The following MYO1A variants were observed in gnomAD, a reference collection of about 807,000 sequenced individuals.
MYO1A encodes the protein myosin IA, also known as unconventional myosin-Ia.
In MYO1A, 127 loss-of-function variants were observed where a neutral mutation model predicts 138.5. That is an observed-to-expected ratio of 0.92 (90% CI 0.79 to 1.06). The LOEUF (loss-of-function observed/expected upper bound fraction) is 1.06. Among genes scored for constraint, MYO1A ranks in the 50% least tolerant of loss-of-function variants. The pLI is 0.00. For missense variants in MYO1A, 1,211 were observed against 1,288.8 expected (o/e 0.94, Z 0.92); for synonymous variants, 477 against 497.5 (o/e 0.96, Z 0.55).
In MYO1A at chr12:57,038,982, C is replaced by T. The variant is rs1026760119; in HGVS notation, c.1360G>A (p.Asp454Asn). 1 of 1,613,990 alleles carries T rather than the reference C, an allele frequency of 6.2e-7. No individual in the cohort carries two copies. Among genetic ancestry groups the T allele is most frequent in the African/African-American group, 1.3e-5 (1 of 74,930 alleles). The change falls in exon 16 of 28, where the codon GAT becomes AAT. Residue 454 changes from aspartate to asparagine, a missense_variant. Physicochemically the swap from Asp to Asn is conservative, Grantham distance 23. Transcript: ENST00000300119. ...HNQRGILAMLDEECLRPGVVS... is the reference protein window; with the variant it reads ...HNQRGILAMLNEECLRPGVVS... ...ACCCCAGGCCGCAGGCACTCCTCATCCAACATGGCCAGGATACCTCGCTGA... is the reference window on the plus strand; with the variant it reads ...ACCCCAGGCCGCAGGCACTCCTCATTCAACATGGCCAGGATACCTCGCTGA...
At chr12:57,028,936 G>C in intron 27 of MYO1A, 55 bp from the exon 28 acceptor site, 4 of 1,600,920 alleles carry the variant, frequency 2.5e-6, no homozygotes, top group Non-Finnish European at 3.4e-6. Context: ...CCCGACTCCC[G>C]CATTTCCATG....
intron 8 of MYO1A, 30 bp downstream of exon 8, chr12:57,046,522 T>C: frequency 6.4e-7 from 1 of 1,573,438 alleles, no homozygotes; most frequent in South Asian, 1.1e-5. Flanking sequence ...GTGTCACTCA[T>C]GAGGACACTT....
At chr12:57,030,106 C>T (rs2030202700) in intron 24 of MYO1A, 104 bp downstream of exon 24, 1 of 1,280,918 alleles carries the variant, frequency 7.8e-7, no homozygotes, top group Admixed American at 1.8e-5. Context: ...AGGAGGGACA[C>T]AGCACCTGGG....
intron 13 of MYO1A, 45 bp from the exon 14 acceptor site, chr12:57,041,333 T>G (rs754647279): frequency 6.3e-6 from 10 of 1,594,702 alleles, no homozygotes; most frequent in Non-Finnish European, 8.6e-6. Context: ...CAAGACTGTT[T>G]CTCCGTCTCA....
intron 22 of MYO1A, among the ~76,000 whole-genome samples, chr12:57,035,547 A>G (rs61504157): frequency 0.099 from 15,058 of 152,246 alleles, 794 homozygotes; most frequent in East Asian, 0.18. Flanking sequence ...GCGGAGGTCA[A>G]TTACCAATTT....
At position 57,038,300 on chromosome 12, in the gene MYO1A, C is replaced by A. The variant is rs2030668957; in HGVS notation, c.1760+112G>T. ...CTGACTGTTTTCTGTGAGGAAAGGA[C>A]CTCTGACATCCTTATTCCAGAAGCA... On this transcript the variant is annotated intron_variant, in intron 17 of 27. Coordinates refer to ENST00000300119, the MANE Select transcript of MYO1A (RefSeq NM_005379.4). 1.5e-5 allele frequency: 19 copies of A among 1,266,008 alleles called. No homozygotes were observed. In the South Asian group the frequency reaches 2.1e-4, roughly 14 times the overall value. The allele number at this position is 1,266,008 out of a possible 1,614,324, so 78.4% of individuals were successfully genotyped here.
At chr12:57,035,270 G>C (rs1379060028) in intron 22 of MYO1A, among the ~76,000 whole-genome samples, 1 of 152,210 alleles carries the variant, frequency 6.6e-6, no homozygotes, top group Non-Finnish European at 1.5e-5. Flanking sequence ...AGCATGTATG[G>C]TGGGAAGGCA....
intron 8 of MYO1A, among the ~76,000 whole-genome samples, chr12:57,046,327 G>A (rs1036691892): frequency 1.4e-4 from 22 of 152,128 alleles, no homozygotes; most frequent in African/African-American, 5.1e-4. Flanking sequence ...GCATATCCCT[G>A]GCAATAAAAC....
intron 17 of MYO1A, 102 bp from the exon 18 acceptor site, chr12:57,038,171 A>T (rs1308245619): frequency 7.0e-7 from 1 of 1,421,884 alleles, no homozygotes; most frequent in Non-Finnish European, 9.9e-7. Context: ...TTCACTGAAA[A>T]GTTTCAAAGA....
Position 57,029,241 on chromosome 12 carries a change from T to C in MYO1A, c.2896A>G (p.Lys966Glu), listed in dbSNP as rs776294118. The change falls in exon 27 of 28, where the codon AAG (lysine) becomes GAG (glutamate). Residue 966 changes from lysine to glutamate, a missense_variant. Coordinates refer to ENST00000300119, the MANE Select transcript of MYO1A (RefSeq NM_005379.4). ...HLSEMSSVGS[K>E]GDFLLVSEHV... ...TCGCTGACCAGCAGGAAGTCCCCCT[T>C]GGAGCCCACCGATGACATCTTAGGA... The C allele has an allele frequency of 5.0e-6, 8 of 1,614,012 alleles. No homozygotes were observed. The South Asian group carries it at 7.7e-5, about 16-fold the overall frequency.
intron 16 of MYO1A, 26 bp downstream of exon 16, chr12:57,038,783 T>G: frequency 6.2e-7 from 1 of 1,613,984 alleles, no homozygotes; most frequent in Non-Finnish European, 8.5e-7. Flanking sequence ...AGCCCTAATC[T>G]CTGCCCTCCA....
At chr12:57,036,618 C>G (rs1433560979) in intron 21 of MYO1A, among the ~76,000 whole-genome samples, 154 bp downstream of exon 21, 2 of 152,146 alleles carry the variant, frequency 1.3e-5, no homozygotes, top group Non-Finnish European at 1.5e-5. Context: ...CCCTACAGGC[C>G]TCTCACTCCC....
In MYO1A at chr12:57,043,860, C is replaced by T; in HGVS notation, c.888G>A (p.Gly296=). The T allele has an allele frequency of 6.2e-7, 1 of 1,614,084 alleles. No individual in the cohort carries two copies. The highest frequency in any genetic ancestry group is 8.5e-7 in the Non-Finnish European group (1 of 1,180,010). ...SGIPASGIRD[G]RGVREIGEMV... ...CCAGCAGGCTGGGATGCAGACCTCT[C>T]CCATCACGGATGCCACTTGCTGGTA... The change falls in exon 10 of 28, where the codon GGG becomes GGA. Residue 296 remains glycine (G), a synonymous_variant. Coordinates refer to ENST00000300119, the MANE Select transcript of MYO1A (RefSeq NM_005379.4).
Position 57,037,635 on chromosome 12 carries a change from A to G in MYO1A, c.1968T>C (p.Gly656=). 1 of 1,613,854 alleles carries G rather than the reference A, an allele frequency of 6.2e-7. No homozygotes were observed. The highest frequency in any genetic ancestry group is 1.1e-5 in the South Asian group (1 of 91,070). ...WPHWNGGDRE[G]VEKVLGELSM... ...TCAGCTCCCCCAGGACCTTCTCAACACCTTCCCTATGGAAGCAAATGACAG... is the reference window on the plus strand; with the variant it reads ...TCAGCTCCCCCAGGACCTTCTCAACGCCTTCCCTATGGAAGCAAATGACAG... Residue 656 remains glycine, a synonymous_variant, in exon 19 of 28, where the codon GGT becomes GGC. Coordinates refer to ENST00000300119, the MANE Select transcript of MYO1A (RefSeq NM_005379.4).
chr12:57,030,427 A>G, intron 23 of MYO1A, 111 bp from the exon 24 acceptor site: 2 of 903,790 alleles, frequency 2.2e-6, no homozygotes, highest in East Asian at 5.0e-5. Context: ...AGACTGAGGA[A>G]AAAGGACAGG....
chr12:57,035,044 C>T (rs2136439963), intron 22 of MYO1A, among the ~76,000 whole-genome samples: 1 of 152,196 alleles, frequency 6.6e-6, no homozygotes, highest in South Asian at 2.1e-4. Context: ...AAGGCAGTGG[C>T]AAACTGGAAT....
At chr12:57,043,697 C>T (rs1057024594) in intron 10 of MYO1A, among the ~76,000 whole-genome samples, 159 bp downstream of exon 10, 3 of 152,252 alleles carry the variant, frequency 2.0e-5, no homozygotes, top group East Asian at 1.9e-4. Flanking sequence ...TATGCTTCAT[C>T]GGGAGTTCTC....
chr12:57,048,381 G>T, intron 1 of MYO1A, 38 bp from the exon 2 acceptor site: 2 of 1,216,930 alleles, frequency 1.6e-6, no homozygotes, highest in African/African-American at 1.5e-5. Context: ...TGTCCACTCA[G>T]CTTTAGGGGC....
chr12:57,031,052 G>C lies in MYO1A; in HGVS notation c.2472C>G (p.Phe824Leu). The C allele has an allele frequency of 1.2e-6, 2 of 1,614,018 alleles. No homozygotes were observed. The highest frequency in any genetic ancestry group is 1.7e-5 in the Admixed American group (1 of 60,018). The change falls in exon 23 of 28, where the codon TTC (phenylalanine) becomes TTG (leucine). Residue 824 changes from phenylalanine to leucine, a missense_variant. Coordinates refer to ENST00000300119, the MANE Select transcript of MYO1A (RefSeq NM_005379.4). ...GGGCTCCACTTGCCTTCCACTGGTAGAAGAGCTGCTGCAGCTCCTGATTTG... is the reference window on the plus strand; with the variant it reads ...GGGCTCCACTTGCCTTCCACTGGTACAAGAGCTGCTGCAGCTCCTGATTTG... ...STANQELQQL[F>L]YQWKCKRFRD...
Sources: gnomAD v4.1 joint callset for allele counts (sites outside exome capture counted in the v4.1 genomes callset) on GRCh38, gnomAD v4.1.1 for gene constraint, MANE v1.5 for transcripts, NCBI Gene and HGNC (gene_info 2026-07-23, HGNC 2026-07-21) for gene names.